The following RBM33 variants were observed in gnomAD, a reference collection of about 807,000 sequenced individuals.
The protein encoded by RBM33 is RNA binding motif protein 33, also known as RNA-binding protein 33.
RBM33 carries 28 observed loss-of-function variants against 132.6 expected under a neutral mutation model. The ratio of observed to expected loss-of-function variants is 0.21; its 90% CI spans 0.16 to 0.29. RBM33 has a LOEUF of 0.29. Ranked by LOEUF, RBM33 falls within the 10% of genes least tolerant of loss-of-function variation. The pLI, the probability that RBM33 is intolerant of heterozygous loss-of-function variation, is 1.00. For missense variants in RBM33, 1,291 were observed against 1,518.5 expected (o/e 0.85, Z 2.49); for synonymous variants, 634 against 593.0 (o/e 1.07, Z -1.01).
Position 155,745,368 on chromosome 7 carries a change from G to C in RBM33, c.2745G>C (p.Gln915His). Residue 915 changes from glutamine (Q) to histidine (H), a missense_variant, in exon 14 of 18, where the codon CAG becomes CAC. Transcript: ENST00000401878. This position sits in a 1 kb window ranked among gnomAD's most constrained non-coding sequence, Gnocchi z 4.1. The part of the protein sequence containing the change: ...QQMKALKHLR[Q>H]TRTVPQSQTQ... ...TGAAAGCACTGAAACATTTGAGACA[G>C]ACCAGAACAGTTCCTCAAAGTCAGA... 1.2e-6 allele frequency: 2 copies of C among 1,613,176 alleles called. No homozygotes were observed. Among genetic ancestry groups the C allele is most frequent in the South Asian group, 2.2e-5 (2 of 90,814 alleles).
intron 9 of RBM33, among the ~76,000 whole-genome samples, chr7:155,735,691 GTCTCTCTCTCTC>G (rs10556581): frequency 2.9e-4 from 42 of 146,618 alleles, no homozygotes; most frequent in African/African-American, 9.2e-4. Context: ...GCAAGACCCT[GTCTCTCTCTCTC>G]TCTCTCTCTC....
At chr7:155,749,586 G>A (rs1249054665) in intron 14 of RBM33, among the ~76,000 whole-genome samples, 1 of 152,156 alleles carries the variant, frequency 6.6e-6, no homozygotes, top group Non-Finnish European at 1.5e-5. Flanking sequence ...CTTAATGGGG[G>A]CTCCTAGGAT....
rs1454407188 is a variant in RBM33, at chr7:155,775,154, C to T, written c.*113C>T. The stretch of plus-strand genomic sequence containing the variant: ...GCACAGGTCTCTCCGGGCCGCTGTC[C>T]TGCGTAACTGTTCTCCAGAGCGCCA... On this transcript the variant is annotated 3_prime_UTR_variant, in exon 18 of 18. Transcript: ENST00000401878. 2 of 931,528 alleles carry T rather than the reference C, an allele frequency of 2.1e-6. No homozygotes were observed. Among genetic ancestry groups the T allele is most frequent in the South Asian group, 1.3e-5 (1 of 74,906 alleles). 57.7% of individuals were successfully genotyped at this position (931,528 alleles called of 1,614,324 possible).
chr7:155,766,813 G>T, intron 16 of RBM33, 158 bp downstream of exon 16: 1 of 705,044 alleles, frequency 1.4e-6, no homozygotes, highest in East Asian at 2.8e-5. Flanking sequence ...CTTAGTATCA[G>T]AACATTTGCC....
At chr7:155,742,596 T>G (rs1801385673) in intron 13 of RBM33, among the ~76,000 whole-genome samples, 1 of 152,234 alleles carries the variant, frequency 6.6e-6, no homozygotes, top group Non-Finnish European at 1.5e-5. Context: ...CGTAGGTTTC[T>G]GTGACTTTTC....
intron 5 of RBM33, among the ~76,000 whole-genome samples, chr7:155,692,366 C>T (rs1799668601): frequency 1.3e-5 from 2 of 152,128 alleles, no homozygotes; most frequent in African/African-American, 2.4e-5. Flanking sequence ...GTGAGCAAAG[C>T]GAGCAAATCA....
chr7:155,708,881 A>G (rs943063132), intron 7 of RBM33, among the ~76,000 whole-genome samples: 4 of 151,970 alleles, frequency 2.6e-5, no homozygotes, highest in African/African-American at 9.7e-5. Context: ...AAAGTTTTGG[A>G]AAGAATATTT....
At chr7:155,714,481 C>T (rs1325621965) in intron 8 of RBM33, among the ~76,000 whole-genome samples, 3 of 152,218 alleles carry the variant, frequency 2.0e-5, no homozygotes, top group South Asian at 4.2e-4. Context: ...CGGCAAGGGC[C>T]GTCTTTGTGT....
intron 3 of RBM33, among the ~76,000 whole-genome samples, chr7:155,675,665 A>G (rs1418364569): frequency 6.6e-6 from 1 of 152,270 alleles, no homozygotes; most frequent in East Asian, 1.9e-4. Context: ...AATCATTTTG[A>G]TGTAAATCTC....
intron 1 of RBM33, among the ~76,000 whole-genome samples, chr7:155,650,491 T>C (rs1047758486): frequency 6.6e-6 from 1 of 152,232 alleles, no homozygotes; most frequent in African/African-American, 2.4e-5. Flanking sequence ...CTTTTTAATA[T>C]ATTGTTGGAT....
intron 5 of RBM33, among the ~76,000 whole-genome samples, chr7:155,681,229 G>C (rs1350206617): frequency 6.6e-6 from 1 of 152,182 alleles, no homozygotes; most frequent in Non-Finnish European, 1.5e-5. Flanking sequence ...CTTTTATCCT[G>C]GCTTTAGACA....
At chr7:155,649,478 C>T (rs999714944) in intron 1 of RBM33, among the ~76,000 whole-genome samples, 3 of 152,176 alleles carry the variant, frequency 2.0e-5, no homozygotes, top group Non-Finnish European at 2.9e-5. Context: ...TTATGTTAGT[C>T]AATTCCACAT....
chr7:155,766,445 G>A (rs748169479), intron 15 of RBM33, 22 bp from the exon 16 acceptor site: 1 of 1,611,670 alleles, frequency 6.2e-7, no homozygotes, highest in Non-Finnish European at 8.5e-7. Flanking sequence ...AACTCTGAAT[G>A]TATTTCCTTT....
chr7:155,750,646 T>A (rs1429271211), intron 14 of RBM33, among the ~76,000 whole-genome samples: 1 of 152,160 alleles, frequency 6.6e-6, no homozygotes, highest in Non-Finnish European at 1.5e-5. Context: ...GTCATAATCA[T>A]GTAAAGTTAG....
rs1168171393 is a variant in RBM33 at position 155,672,817 on chromosome 7, G to A, written c.123-50G>A. On this transcript the variant is annotated intron_variant, in intron 2 of 17. Transcript: ENST00000401878. ...AAATTTCCAAGTGATCTACAAACTTGCAAGTCTTATGGGAATAATCATTGA... is the reference window on the plus strand; with the variant it reads ...AAATTTCCAAGTGATCTACAAACTTACAAGTCTTATGGGAATAATCATTGA... 6.6e-6 allele frequency: 9 copies of A among 1,354,744 alleles called. No individual in the cohort carries two copies. In the Admixed American group the frequency reaches 1.5e-4, roughly 23 times the overall value. The allele number at this position is 1,354,744 out of a possible 1,614,324, so 83.9% of individuals were successfully genotyped here.
At chr7:155,738,598 G>A in intron 11 of RBM33, 195 bp downstream of exon 11, 3 of 586,714 alleles carry the variant, frequency 5.1e-6, no homozygotes, top group Non-Finnish European at 5.8e-6. Context: ...GAAAAAAATG[G>A]GAAAATGTCA....
Position 155,644,933 on chromosome 7 carries a change from C to A in RBM33, c.43+14C>A. 1 of 1,493,398 alleles carries A rather than the reference C, an allele frequency of 6.7e-7. No individual in the cohort carries two copies. Among genetic ancestry groups the A allele is most frequent in the Non-Finnish European group, 8.9e-7 (1 of 1,126,568 alleles). 92.5% of individuals were successfully genotyped at this position (1,493,398 alleles called of 1,614,324 possible). ...CAGGCGCCGGAGGTACGTGAGGCAG[C>A]CGGACTCTGGGGGCCAGGACCGCGC... On this transcript the variant is annotated intron_variant, in intron 1 of 17. Coordinates refer to ENST00000401878, the MANE Select transcript of RBM33 (RefSeq NM_053043.3).
Position 155,745,699 on chromosome 7 carries a change from T to C in RBM33, c.2979+97T>C. 1 of 1,208,428 alleles carries C rather than the reference T, an allele frequency of 8.3e-7. No individual in the cohort carries two copies. The highest frequency in any genetic ancestry group is 1.5e-5 in the African/African-American group (1 of 65,050). The allele number at this position is 1,208,428 out of a possible 1,614,324, so 74.9% of individuals were successfully genotyped here. On this transcript the variant is annotated intron_variant, in intron 14 of 17. Coordinates refer to ENST00000401878, the MANE Select transcript of RBM33 (RefSeq NM_053043.3). The surrounding 1 kb of genome is among the most constrained non-coding windows in gnomAD (Gnocchi z 4.1). ...TGTTTTTGAAGAAAGAATTAAAAGT[T>C]ACCTCTGTTATAGTCTTGTAACCAA...
chr7:155,743,452 A>G (rs1399012564), intron 13 of RBM33, among the ~76,000 whole-genome samples: 1 of 152,250 alleles, frequency 6.6e-6, no homozygotes, highest in Non-Finnish European at 1.5e-5. Flanking sequence ...GCGAACTTCT[A>G]AAGGATTCTT....
Sources: allele counts gnomAD v4.1 joint callset (sites outside exome capture counted in the v4.1 genomes callset), GRCh38; gene constraint gnomAD v4.1.1; non-coding constraint Gnocchi (gnomAD v3.1); transcripts MANE v1.5; gene names NCBI Gene and HGNC (gene_info 2026-07-23, HGNC 2026-07-21).